Variants in LIPA observed in about 807,000 individuals in gnomAD.
LIPA encodes lipase A, lysosomal acid type.
A neutral mutation model predicts 40.6 loss-of-function variants in LIPA; 26 were observed. The ratio of observed to expected loss-of-function variants is 0.64; its 90% CI spans 0.47 to 0.89. The LOEUF (loss-of-function observed/expected upper bound fraction) is 0.89, where lower values mean the gene tolerates loss of function less well. Among genes scored for constraint, LIPA ranks in the 40% least tolerant of loss-of-function variants. LIPA has a pLI of 0.00. For missense variants in LIPA, 455 were observed against 479.6 expected (o/e 0.95, Z 0.48); for synonymous variants, 188 against 168.4 (o/e 1.12, Z -0.90).
chr10:89,368,576 G>T (rs1844074154), intron 2 of LIPA, among the ~76,000 whole-genome samples: 1 of 152,036 alleles, frequency 6.6e-6, no homozygotes. Flanking sequence ...TCTTAAGTGG[G>T]TTATAGAAAA....
In LIPA at chr10:89,292,166, T is replaced by C. The variant is rs1304237792; in HGVS notation, c.-1-44517A>G. 5.3e-5 allele frequency: 8 copies of C among 152,344 alleles called. No homozygotes were observed. The East Asian group carries it at 1.3e-3, about 26-fold the overall frequency. The allele number at this position is 152,344 out of a possible 1,614,324, so 9.4% of individuals were successfully genotyped here. ...ATCTTTGTTACAGCGGCTAGGTGTA[T>C]ACTAATTCAGGGATTCTGTGATAGC... On this transcript the variant is annotated intron_variant, in intron 1 of 5. Transcript: ENST00000282673.
At position 89,221,856 on chromosome 10, in the gene LIPA, A is replaced by G. The variant is rs112639860; in HGVS notation, c.894+655T>C. ...TAGAATGCAGAGACATTCAATATCTATGGATATGCATTTCCTCTCTGTCTA... is the reference window on the plus strand; with the variant it reads ...TAGAATGCAGAGACATTCAATATCTGTGGATATGCATTTCCTCTCTGTCTA... On this transcript the variant is annotated intron_variant, in intron 8 of 9. Transcript: ENST00000336233. Among the ~76,000 whole-genome samples, 865 of 152,348 alleles carry G rather than the reference A, an allele frequency of 5.7e-3. 4 individuals carry two copies. The highest frequency in any genetic ancestry group is 0.015 in the African/African-American group (644 of 41,580).
chr10:89,250,864 A>T (rs942495218), intron 1 of LIPA, among the ~76,000 whole-genome samples: 1 of 152,166 alleles, frequency 6.6e-6, no homozygotes, highest in South Asian at 2.1e-4. Flanking sequence ...GGGAAAAAAA[A>T]CCTTCCAGGC....
intron 2 of LIPA, among the ~76,000 whole-genome samples, chr10:89,371,601 G>A (rs1844091776): frequency 6.6e-6 from 1 of 152,118 alleles, no homozygotes; most frequent in African/African-American, 2.4e-5. Context: ...TTTACCAACT[G>A]GTGTTCTCAG....
At chr10:89,261,115 G>A (rs1385293226) in intron 1 of LIPA, among the ~76,000 whole-genome samples, 1 of 152,176 alleles carries the variant, frequency 6.6e-6, no homozygotes, top group African/African-American at 2.4e-5. Flanking sequence ...TGGAGCTGAG[G>A]ACACAGAAAT....
chr10:89,305,093 G>T (rs554266996), intron 1 of LIPA, among the ~76,000 whole-genome samples: 19 of 151,928 alleles, frequency 1.3e-4, no homozygotes, highest in African/African-American at 4.6e-4. Flanking sequence ...ATAGAGGTAT[G>T]GGGGGGAGGG....
intron 2 of LIPA, among the ~76,000 whole-genome samples, chr10:89,409,713 T>C (rs1841455879): frequency 6.6e-6 from 1 of 152,202 alleles, no homozygotes; most frequent in African/African-American, 2.4e-5. Flanking sequence ...TCAAGTTCCA[T>C]TACCATCCAA....
chr10:89,215,837 T>C (rs1013667343), intron 9 of LIPA, 101 bp downstream of exon 9: 4 of 820,090 alleles, frequency 4.9e-6, no homozygotes, highest in Middle Eastern at 2.2e-4. Context: ...CCTGCAAACA[T>C]TTCCCACAGC....
At chr10:89,221,371 C>A (rs570173819) in intron 8 of LIPA, among the ~76,000 whole-genome samples, 1 of 151,840 alleles carries the variant, frequency 6.6e-6, no homozygotes. Context: ...TAAAATAAAA[C>A]GAAAAAATAA....
chr10:89,375,486 TATACTC>T (rs1264953548), intron 2 of LIPA, among the ~76,000 whole-genome samples: 1 of 152,218 alleles, frequency 6.6e-6, no homozygotes, highest in Non-Finnish European at 1.5e-5. Flanking sequence ...GCTATTGTCT[TATACTC>T]AGAGTACACA....
At chr10:89,219,956 G>A (rs1186906550) in intron 8 of LIPA, among the ~76,000 whole-genome samples, 1 of 152,210 alleles carries the variant, frequency 6.6e-6, no homozygotes, top group African/African-American at 2.4e-5. Flanking sequence ...ATGGGGCACA[G>A]AGCAGTGCTC....
At chr10:89,224,921 C>T (rs372286992) in intron 6 of LIPA, among the ~76,000 whole-genome samples, 171 bp downstream of exon 6, 7 of 152,170 alleles carry the variant, frequency 4.6e-5, no homozygotes, top group Admixed American at 4.6e-4. Context: ...CAGGCGTCCC[C>T]GGCCACCCCT....
At chr10:89,413,683 C>G (rs1053295375) in intron 1 of LIPA, among the ~76,000 whole-genome samples, 2 of 150,486 alleles carry the variant, frequency 1.3e-5, no homozygotes, top group African/African-American at 4.9e-5. Context: ...GGGAGGATCG[C>G]TTGAGCCATG....
intron 2 of LIPA, among the ~76,000 whole-genome samples, chr10:89,348,410 A>C (rs1843937778): frequency 6.6e-6 from 1 of 152,340 alleles, no homozygotes; most frequent in African/African-American, 2.4e-5. Flanking sequence ...GAAAAAGTGT[A>C]TACAAAAAGG....
At chr10:89,342,048 A>G (rs1843876327) in intron 1 of LIPA, among the ~76,000 whole-genome samples, 1 of 152,232 alleles carries the variant, frequency 6.6e-6, no homozygotes, top group South Asian at 2.1e-4. Context: ...AAAACATGCT[A>G]TACACCATAA....
intron 5 of LIPA, among the ~76,000 whole-genome samples, chr10:89,225,983 G>A (rs897384551): frequency 8.2e-4 from 125 of 152,230 alleles, no homozygotes; most frequent in African/African-American, 2.9e-3. Context: ...TAAACTGTGA[G>A]TCCATTAAAC....
In LIPA at chr10:89,225,231, G is replaced by A. The variant is rs376809019; in HGVS notation, c.539-3C>T. ...GATCTGTGAAAATGCTATAAAACCT[G>A]TGAGAACAAAGGACAGAAAACAGGA... On this transcript the variant is annotated splice_polypyrimidine_tract_variant and splice_region_variant and intron_variant, in intron 5 of 9. Coordinates refer to ENST00000336233, the MANE Select transcript of LIPA (RefSeq NM_000235.4). 1.6e-5 allele frequency: 26 copies of A among 1,614,134 alleles called. No individual in the cohort carries two copies. In the African/African-American group the frequency reaches 2.4e-4, roughly 15 times the overall value.
intron 1 of LIPA, among the ~76,000 whole-genome samples, chr10:89,289,648 A>C (rs1339414155): frequency 6.6e-6 from 1 of 152,104 alleles, no homozygotes; most frequent in Non-Finnish European, 1.5e-5. Context: ...TTTATTAGTC[A>C]AATCACCCAA....
At chr10:89,363,222 G>T in intron 2 of LIPA, 1 of 175,792 alleles carries the variant, frequency 5.7e-6, no homozygotes, top group East Asian at 1.4e-4. Flanking sequence ...AGGCAGGATA[G>T]AGAAACTGTA....
Sources: allele counts gnomAD v4.1 joint callset (sites outside exome capture counted in the v4.1 genomes callset), GRCh38; gene constraint gnomAD v4.1.1; transcripts MANE v1.5; gene names NCBI Gene and HGNC (gene_info 2026-07-23, HGNC 2026-07-21).